The following CTNNA2 variants were observed in gnomAD, a reference collection of about 807,000 sequenced individuals.
CTNNA2 encodes the protein catenin alpha 2, also known as catenin alpha-2.
CTNNA2 carries 42 observed loss-of-function variants against 101.0 expected under a neutral mutation model. The ratio of observed to expected loss-of-function variants is 0.42; its 90% confidence interval spans 0.32 to 0.54. CTNNA2 has a LOEUF of 0.54. CTNNA2 is among the 20% of genes least tolerant of loss of function. The probability of loss-of-function intolerance (pLI) is 0.14; values close to 1 mark genes in which losing one functional copy is unlikely to be tolerated. For synonymous variants in CTNNA2, 450 were observed against 456.4 expected (o/e 0.99, Z 0.18); for missense variants, 871 against 1,223.1 (o/e 0.71, Z 4.29).
chr2:79,987,965 A>G (rs1037188439), intron 7 of CTNNA2, among the ~76,000 whole-genome samples: 1 of 152,240 alleles, frequency 6.6e-6, no homozygotes. Context: ...TCAGGTCTCA[A>G]TAAATCTGTG....
intron 1 of CTNNA2, among the ~76,000 whole-genome samples, chr2:79,623,548 T>G (rs896113096): frequency 6.6e-6 from 1 of 152,214 alleles, no homozygotes; most frequent in Non-Finnish European, 1.5e-5. Flanking sequence ...GAATTTGATG[T>G]AGAAAATCTT....
At chr2:79,495,828 C>T (rs887177506) in intron 4 of CTNNA2, among the ~76,000 whole-genome samples, 1 of 151,910 alleles carries the variant, frequency 6.6e-6, no homozygotes, top group Non-Finnish European at 1.5e-5. Context: ...GTGGATCAAC[C>T]TTGAAAATAT....
intron 3 of CTNNA2, among the ~76,000 whole-genome samples, chr2:79,809,381 G>T (rs999047007): frequency 2.0e-5 from 3 of 152,212 alleles, no homozygotes; most frequent in Non-Finnish European, 4.4e-5. Flanking sequence ...TTCCACAATA[G>T]TTGAACTAAT....
At chr2:80,570,263 A>G (rs1197967558) in intron 12 of CTNNA2, among the ~76,000 whole-genome samples, 6 of 152,076 alleles carry the variant, frequency 3.9e-5, no homozygotes, top group Non-Finnish European at 1.5e-5. Flanking sequence ...TGCCCAGGCT[A>G]TTCTTGAACT....
At chr2:79,734,599 G>A (rs1049644763) in intron 2 of CTNNA2, among the ~76,000 whole-genome samples, 3 of 152,168 alleles carry the variant, frequency 2.0e-5, no homozygotes, top group East Asian at 3.9e-4. Flanking sequence ...TATATAAAGT[G>A]CAGAAAGATT....
intron 7 of CTNNA2, among the ~76,000 whole-genome samples, chr2:79,976,224 T>C (rs1052768494): frequency 1.3e-5 from 2 of 152,214 alleles, no homozygotes; most frequent in Non-Finnish European, 2.9e-5. Context: ...AATAATTCCA[T>C]TTAAATATAA....
At chr2:80,373,796 C>T (rs1311741726) in intron 7 of CTNNA2, among the ~76,000 whole-genome samples, 1 of 152,130 alleles carries the variant, frequency 6.6e-6, no homozygotes, top group Non-Finnish European at 1.5e-5. Context: ...GGATGAGATG[C>T]TGCTCTTTTG....
chr2:79,463,707 A>G (rs1401286720), intron 4 of CTNNA2, among the ~76,000 whole-genome samples: 13 of 152,202 alleles, frequency 8.5e-5, no homozygotes, highest in Admixed American at 7.2e-4. Context: ...TGGAAAATAA[A>G]GCCTGAAGTT....
At chr2:80,341,237 TC>T (rs1672211359) in intron 7 of CTNNA2, among the ~76,000 whole-genome samples, 1 of 152,072 alleles carries the variant, frequency 6.6e-6, no homozygotes, top group South Asian at 2.1e-4. Flanking sequence ...TCCTACCTCC[TC>T]CCCAGAGGTG....
At chr2:79,289,331 A>C (rs1008420273) in intron 2 of CTNNA2, among the ~76,000 whole-genome samples, 1 of 152,154 alleles carries the variant, frequency 6.6e-6, no homozygotes, top group African/African-American at 2.4e-5. Context: ...AATAATTTTC[A>C]TAGGTAAATA....
At chr2:79,419,109 T>C (rs1678513019) in intron 4 of CTNNA2, among the ~76,000 whole-genome samples, 1 of 152,128 alleles carries the variant, frequency 6.6e-6, no homozygotes, top group Admixed American at 6.6e-5. Context: ...ACTCTATGAA[T>C]TAATGTGTAG....
At chr2:79,192,740 C>T (rs1186375071) in intron 1 of CTNNA2, among the ~76,000 whole-genome samples, 1 of 151,984 alleles carries the variant, frequency 6.6e-6, no homozygotes, top group African/African-American at 2.4e-5. Context: ...CTGTGGGCCC[C>T]AAAGGCTTAT....
At chr2:80,130,391 A>G (rs1001312546) in intron 7 of CTNNA2, among the ~76,000 whole-genome samples, 1 of 152,148 alleles carries the variant, frequency 6.6e-6, no homozygotes, top group African/African-American at 2.4e-5. Flanking sequence ...ACGTATTCCA[A>G]CTATTTTTCA....
At position 79,926,918 on chromosome 2, in the gene CTNNA2, G is replaced by T. The variant is rs556463737; in HGVS notation, c.1056+17121G>T. ...TCAAGATAGAAATAGGTAGATATGAGTTAGGTTTTCAGAGAGAGAGCTGGG... is the reference window on the plus strand; with the variant it reads ...TCAAGATAGAAATAGGTAGATATGATTTAGGTTTTCAGAGAGAGAGCTGGG... On this transcript the variant is annotated intron_variant, in intron 7 of 18. Transcript: ENST00000402739. Among the ~76,000 whole-genome samples, 40 of 152,202 alleles carry T rather than the reference G, an allele frequency of 2.6e-4. 2 individuals carry two copies. The highest frequency in any genetic ancestry group is 9.4e-4 in the African/African-American group (39 of 41,544).
Position 80,191,998 on chromosome 2 carries a change from C to T in CTNNA2, c.1057-201213C>T, listed in dbSNP as rs146191071. 3.9e-5 allele frequency among the ~76,000 whole-genome samples: 6 copies of T among 152,154 alleles called. No individual in the cohort carries two copies. In the East Asian group the frequency reaches 1.2e-3, roughly 29 times the overall value. On this transcript the variant is annotated intron_variant, in intron 7 of 18. Coordinates refer to ENST00000402739, the MANE Select transcript of CTNNA2 (RefSeq NM_001282597.3). ...GTAGAATTATTCAGAGCATTAGGAC[C>T]CAGTGAAAGGTCCTACCATAATTCA...
At chr2:80,395,554 A>C (rs139907668) in intron 8 of CTNNA2, among the ~76,000 whole-genome samples, 47 of 152,320 alleles carry the variant, frequency 3.1e-4, no homozygotes, top group South Asian at 1.0e-3. Flanking sequence ...GCTACCTAGC[A>C]CTTGGGCAGA....
At chr2:79,796,616 A>G (rs926561059) in intron 3 of CTNNA2, among the ~76,000 whole-genome samples, 9 of 152,190 alleles carry the variant, frequency 5.9e-5, no homozygotes, top group African/African-American at 2.2e-4. Flanking sequence ...ATCTCTGCCC[A>G]TCAGATGGAG....
intron 4 of CTNNA2, among the ~76,000 whole-genome samples, chr2:79,453,844 A>G (rs995856132): frequency 2.0e-5 from 3 of 152,176 alleles, no homozygotes; most frequent in African/African-American, 4.8e-5. Flanking sequence ...GGCCATAGAG[A>G]CAAAAACAGA....
intron 3 of CTNNA2, among the ~76,000 whole-genome samples, chr2:79,806,474 G>A (rs368634747): frequency 1.3e-5 from 2 of 152,214 alleles, no homozygotes; most frequent in South Asian, 4.1e-4. Flanking sequence ...AGGAGTTACT[G>A]GGAAGAAAGG....
Sources: allele counts gnomAD v4.1 joint callset (sites outside exome capture counted in the v4.1 genomes callset), GRCh38; gene constraint gnomAD v4.1.1; transcripts MANE v1.5; gene names NCBI Gene and HGNC (gene_info 2026-07-23, HGNC 2026-07-21).